ARFGEF1: variants seen among roughly 807,000 people sequenced by gnomAD.
ARFGEF1 encodes the protein brefeldin A-inhibited guanine nucleotide-exchange protein 1.
Under a neutral mutation model 231.0 loss-of-function variants are expected in ARFGEF1, and 42 were observed. The ratio of observed to expected loss-of-function variants is 0.18; its 90% CI spans 0.14 to 0.24. The LOEUF (loss-of-function observed/expected upper bound fraction) is 0.24, where lower values mean the gene tolerates loss of function less well. Among genes scored for constraint, ARFGEF1 ranks in the 10% least tolerant of loss-of-function variants. The probability of loss-of-function intolerance (pLI) is 1.00; values close to 1 mark genes in which losing one functional copy is unlikely to be tolerated. For missense variants in ARFGEF1, 1,345 were observed against 2,192.0 expected (o/e 0.61, Z 7.72); for synonymous variants, 710 against 732.3 (o/e 0.97, Z 0.49).
chr8:67,209,454 G>A (rs1030734334), intron 34 of ARFGEF1, among the ~76,000 whole-genome samples: 1 of 152,212 alleles, frequency 6.6e-6, no homozygotes, highest in Admixed American at 6.5e-5. Flanking sequence ...TAACAGTTAT[G>A]GGGCTGGGGG....
intron 6 of ARFGEF1, among the ~76,000 whole-genome samples, chr8:67,291,563 C>T (rs756232448): frequency 2.0e-5 from 3 of 151,926 alleles, no homozygotes; most frequent in Non-Finnish European, 4.4e-5. Context: ...TAACATTTAA[C>T]GGACATTTAT....
chr8:67,184,932 T>A, intron 5 of ARFGEF1, among the ~76,000 whole-genome samples: 1 of 96,138 alleles, frequency 1.0e-5, no homozygotes. Context: ...ATCATGTCTC[T>A]ACTAAAAATA....
At chr8:67,259,435 C>T (rs1056601118) in intron 15 of ARFGEF1, among the ~76,000 whole-genome samples, 1 of 152,142 alleles carries the variant, frequency 6.6e-6, no homozygotes, top group Non-Finnish European at 1.5e-5. Context: ...GCCACATTGG[C>T]CAGGCTGGTC....
chr8:67,271,439 G>A (rs34345865), intron 10 of ARFGEF1, among the ~76,000 whole-genome samples: 30,316 of 151,932 alleles, frequency 0.2, 3,569 homozygotes, highest in East Asian at 0.36. Context: ...TAATTCAAGA[G>A]AGCAAGAACC....
chr8:67,298,251 AT>A (rs1374490238), intron 4 of ARFGEF1, among the ~76,000 whole-genome samples: 1 of 152,238 alleles, frequency 6.6e-6, no homozygotes, highest in Non-Finnish European at 1.5e-5. Context: ...ACTGTACTAT[AT>A]ATAGCACATG....
intron 25 of ARFGEF1, 98 bp from the exon 26 acceptor site, chr8:67,227,696 G>T: frequency 7.7e-7 from 1 of 1,298,712 alleles, no homozygotes; most frequent in Non-Finnish European, 1.1e-6. Context: ...GAATAGCATA[G>T]ATAGGTAAAT....
At chr8:67,217,747 A>T in intron 32 of ARFGEF1, 35 bp downstream of exon 32, 1 of 1,602,066 alleles carries the variant, frequency 6.2e-7, no homozygotes, top group African/African-American at 1.3e-5. Flanking sequence ...TTCAATATAC[A>T]AATATAAATG....
chr8:67,286,014 T>C (rs1054728230), intron 7 of ARFGEF1, among the ~76,000 whole-genome samples: 1 of 152,212 alleles, frequency 6.6e-6, no homozygotes, highest in Non-Finnish European at 1.5e-5. Flanking sequence ...AGACACATTT[T>C]GGGAAAACTG....
At chr8:67,287,878 T>C in intron 7 of ARFGEF1, 77 bp downstream of exon 7, 2 of 1,018,762 alleles carry the variant, frequency 2.0e-6, no homozygotes, top group Non-Finnish European at 2.7e-6. Flanking sequence ...CCCTTTCTAT[T>C]CCAGACATTA....
chr8:67,269,413 C>T (rs1386793578), intron 10 of ARFGEF1, among the ~76,000 whole-genome samples: 3 of 140,434 alleles, frequency 2.1e-5, no homozygotes, highest in Admixed American at 7.7e-5. Flanking sequence ...AGTGCAATGG[C>T]GCGATCTTAG....
At chr8:67,294,619 A>C (rs1806151196) in intron 5 of ARFGEF1, among the ~76,000 whole-genome samples, 1 of 152,172 alleles carries the variant, frequency 6.6e-6, no homozygotes, top group African/African-American at 2.4e-5. Flanking sequence ...TTAGAGAAAG[A>C]AGTTTACATA....
intron 1 of ARFGEF1, among the ~76,000 whole-genome samples, chr8:67,306,890 G>A (rs1310577607): frequency 2.0e-5 from 3 of 152,166 alleles, no homozygotes; most frequent in African/African-American, 7.2e-5. Context: ...CAATTCTCCT[G>A]CCTCAGCCTC....
chr8:67,281,529 TA>T lies in ARFGEF1; in HGVS notation c.1028-4073del, dbSNP rs968718365. 2.4e-3 allele frequency among the ~76,000 whole-genome samples: 352 copies of T among 146,944 alleles called. 1 individual carries two copies. Among genetic ancestry groups the T allele is most frequent in the East Asian group, 5.7e-3 (29 of 5,062 alleles). On this transcript the variant is annotated intron_variant, in intron 7 of 38. Transcript: ENST00000262215. ...TAATGGTGAAATATAGCAATAATGT[TA>T]AAAAAAAAAATGAATATCCTTGCCA...
chr8:67,188,202 T>C (rs1285312454), intron 5 of ARFGEF1, among the ~76,000 whole-genome samples: 2 of 152,080 alleles, frequency 1.3e-5, no homozygotes, highest in African/African-American at 4.8e-5. Flanking sequence ...GAAAACAAAA[T>C]ACCTGATTAA....
At chr8:67,295,858 T>C (rs753558272) in intron 5 of ARFGEF1, among the ~76,000 whole-genome samples, 8 of 152,132 alleles carry the variant, frequency 5.3e-5, no homozygotes, top group Non-Finnish European at 1.2e-4. Flanking sequence ...CTCTGAAAAA[T>C]TTTTGCAACT....
intron 3 of ARFGEF1, among the ~76,000 whole-genome samples, chr8:67,300,871 G>A (rs1211317580): frequency 6.6e-6 from 1 of 151,010 alleles, no homozygotes; most frequent in Non-Finnish European, 1.5e-5. Context: ...AAAAACAGCA[G>A]ACACTTAGAA....
intron 5 of ARFGEF1, among the ~76,000 whole-genome samples, chr8:67,183,398 A>G (rs1471165838): frequency 1.3e-5 from 2 of 152,250 alleles, no homozygotes; most frequent in African/African-American, 4.8e-5. Context: ...CAATCTGGGC[A>G]AGAAAACAAA....
intron 9 of ARFGEF1, among the ~76,000 whole-genome samples, chr8:67,274,583 G>C (rs1563881113): frequency 6.6e-6 from 1 of 151,782 alleles, no homozygotes; most frequent in Non-Finnish European, 1.5e-5. Context: ...TTTTTTTCAG[G>C]AATAAATGAA....
At chr8:67,197,051 C>G (rs532937706), downstream of ARFGEF1, among the ~76,000 whole-genome samples, 153 of 152,290 alleles carry the variant, frequency 1.0e-3, no homozygotes, top group Admixed American at 1.6e-3. Flanking sequence ...ACTGACTCCT[C>G]GAACACACAA....
Sources: allele counts gnomAD v4.1 joint callset (sites outside exome capture counted in the v4.1 genomes callset), GRCh38; gene constraint gnomAD v4.1.1; transcripts MANE v1.5; gene names NCBI Gene and HGNC (gene_info 2026-07-23, HGNC 2026-07-21).